PRUNE2: variants seen among roughly 807,000 people sequenced by gnomAD.
PRUNE2 encodes the protein protein prune homolog 2.
PRUNE2 carries 164 observed loss-of-function variants against 252.0 expected under a neutral mutation model. The ratio of observed to expected loss-of-function variants is 0.65; its 90% CI spans 0.57 to 0.74. The LOEUF (loss-of-function observed/expected upper bound fraction) is 0.74, where lower values mean the gene tolerates loss of function less well. Ranked by LOEUF, PRUNE2 falls within the 30% of genes least tolerant of loss-of-function variation. The pLI is 0.00. For missense variants in PRUNE2, 3,495 were observed against 3,711.0 expected, an observed-to-expected ratio of 0.94 and a Z score of 1.51; for synonymous variants, 1,292 against 1,350.2, an observed-to-expected ratio of 0.96 and a Z score of 0.94.
chr9:76,886,121 G>A (rs1000114417), intron 1 of PRUNE2, among the ~76,000 whole-genome samples: 8 of 151,740 alleles, frequency 5.3e-5, no homozygotes, highest in African/African-American at 1.9e-4. Flanking sequence ...AGGAGGCGGA[G>A]GTTGCAGTGA....
intron 17 of PRUNE2, among the ~76,000 whole-genome samples, chr9:76,620,592 G>A (rs1369137311): frequency 6.6e-6 from 1 of 152,182 alleles, no homozygotes; most frequent in African/African-American, 2.4e-5. Context: ...AAGGTCAGGT[G>A]TTTTGTTGAA....
intron 9 of PRUNE2, among the ~76,000 whole-genome samples, chr9:76,686,770 A>T (rs2044140712): frequency 6.6e-6 from 1 of 152,276 alleles, no homozygotes; most frequent in Non-Finnish European, 1.5e-5. Context: ...TTTTAAAAAA[A>T]GTTTTTTGGT....
chr9:76,827,817 T>C (rs1413908348), intron 4 of PRUNE2, among the ~76,000 whole-genome samples: 2 of 152,218 alleles, frequency 1.3e-5, no homozygotes, highest in Non-Finnish European at 2.9e-5. Context: ...CAGTTTCCCA[T>C]TTTTAAAACA....
At chr9:76,678,807 G>A (rs644444) in intron 9 of PRUNE2, among the ~76,000 whole-genome samples, 102,195 of 152,176 alleles carry the variant, frequency 0.67, 35,742 homozygotes, top group Non-Finnish European at 0.77. Flanking sequence ...CAGCCTGGGC[G>A]ACAAAGTGAG....
rs768276886 is a variant in PRUNE2 at position 76,854,133 on chromosome 9, T to C, written c.112A>G (p.Thr38Ala). Residue 38 changes from threonine (T) to alanine (A), a missense_variant, in exon 2 of 19, where the codon ACC (threonine) becomes GCC (alanine). Thr to Ala is a moderately conservative substitution (Grantham distance 58, BLOSUM62 0). Transcript: ENST00000376718. ...KSCDLDSLIS[T>A]FTYAYFLDKV... ...TCTAGAAAGTAAGCATATGTGAAGGTAGAAATGAGAGAATCCAAGTCACAC... is the reference window on the plus strand; with the variant it reads ...TCTAGAAAGTAAGCATATGTGAAGGCAGAAATGAGAGAATCCAAGTCACAC... 6.3e-6 allele frequency: 10 copies of C among 1,598,758 alleles called. No homozygotes were observed. The highest frequency in any genetic ancestry group is 1.7e-5 in the Admixed American group (1 of 59,566).
chr9:76,853,819 T>A (rs2060095446), intron 2 of PRUNE2, among the ~76,000 whole-genome samples: 2 of 152,234 alleles, frequency 1.3e-5, no homozygotes, highest in African/African-American at 4.8e-5. Flanking sequence ...ATAAAATTAA[T>A]CAACTATTAT....
At chr9:76,851,564 C>A (rs1276034786) in intron 2 of PRUNE2, among the ~76,000 whole-genome samples, 1 of 150,158 alleles carries the variant, frequency 6.7e-6, no homozygotes, top group African/African-American at 2.4e-5. Flanking sequence ...AAAAAAAACA[C>A]ACACACACAC....
chr9:76,724,935 C>T (rs1371742998), intron 6 of PRUNE2, among the ~76,000 whole-genome samples: 2 of 152,080 alleles, frequency 1.3e-5, no homozygotes, highest in Non-Finnish European at 2.9e-5. Flanking sequence ...TGAAACCCCG[C>T]TCATTAGCCA....
intron 6 of PRUNE2, chr9:76,759,605 C>T (rs953779809): frequency 6.6e-6 from 1 of 152,250 alleles, no homozygotes; most frequent in Non-Finnish European, 1.5e-5. Context: ...TCTTCCCACT[C>T]CATTCCCTTT....
chr9:76,837,013 A>G (rs534261959), intron 4 of PRUNE2, among the ~76,000 whole-genome samples: 200 of 152,386 alleles, frequency 1.3e-3, no homozygotes, highest in African/African-American at 4.6e-3. Context: ...ACAGCTGTGT[A>G]TAAGACTAAA....
At chr9:76,651,005 T>G (rs1218799287) in intron 11 of PRUNE2, among the ~76,000 whole-genome samples, 1 of 152,262 alleles carries the variant, frequency 6.6e-6, no homozygotes, top group African/African-American at 2.4e-5. Context: ...CTGGGATGGA[T>G]AGAGGAGCTG....
intron 6 of PRUNE2, among the ~76,000 whole-genome samples, chr9:76,800,917 C>G: frequency 6.6e-6 from 1 of 152,158 alleles, no homozygotes; most frequent in South Asian, 2.1e-4. Flanking sequence ...AGCCCATGTC[C>G]CATAAACATC....
At chr9:76,618,646 T>C (rs560663342) in intron 18 of PRUNE2, among the ~76,000 whole-genome samples, 9 of 152,334 alleles carry the variant, frequency 5.9e-5, no homozygotes, top group African/African-American at 1.7e-4. Context: ...TTAAAAACCA[T>C]TGGCCCTGGA....
intron 6 of PRUNE2, among the ~76,000 whole-genome samples, chr9:76,800,249 G>A (rs1230310743): frequency 6.6e-6 from 1 of 150,414 alleles, no homozygotes; most frequent in Non-Finnish European, 1.5e-5. Flanking sequence ...CCCTTCCTGT[G>A]TCCAAGTGTT....
intron 6 of PRUNE2, among the ~76,000 whole-genome samples, chr9:76,714,246 T>C (rs936852709): frequency 2.0e-5 from 3 of 152,152 alleles, no homozygotes; most frequent in African/African-American, 7.2e-5. Flanking sequence ...AAAAGAGCTG[T>C]GATGTCAGAT....
chr9:76,782,585 C>T (rs969795901), intron 6 of PRUNE2: 14 of 152,100 alleles, frequency 9.2e-5, no homozygotes, highest in Admixed American at 9.2e-4. Context: ...TGTTAAGTTC[C>T]ATGTAAATAC....
chr9:76,703,316 T>C (rs766306823), intron 9 of PRUNE2, 21 bp downstream of exon 9: 24 of 1,541,570 alleles, frequency 1.6e-5, no homozygotes, highest in Non-Finnish European at 1.8e-5. Context: ...GGAAAAAAAA[T>C]AAATCTAGCT....
chr9:76,856,826 T>G (rs149617514), intron 1 of PRUNE2, among the ~76,000 whole-genome samples: 38 of 152,138 alleles, frequency 2.5e-4, no homozygotes, highest in African/African-American at 9.2e-4. Flanking sequence ...TGATCTTGGC[T>G]CACTGCAACC....
At chr9:76,850,029 T>A in intron 3 of PRUNE2, among the ~76,000 whole-genome samples, 1 of 151,936 alleles carries the variant, frequency 6.6e-6, no homozygotes, top group Non-Finnish European at 1.5e-5. Flanking sequence ...GTGTTGTTGT[T>A]GTTGTTTTGG....
Sources: allele counts gnomAD v4.1 joint callset (sites outside exome capture counted in the v4.1 genomes callset), GRCh38; gene constraint gnomAD v4.1.1; transcripts MANE v1.5; gene names NCBI Gene and HGNC (gene_info 2026-07-23, HGNC 2026-07-21).